MSRB3: variants seen among roughly 807,000 people sequenced by gnomAD.
MSRB3 encodes methionine sulfoxide reductase B3, also known as methionine-R-sulfoxide reductase B3.
In MSRB3, 13 loss-of-function variants were observed where a neutral mutation model predicts 21.0. The observed-to-expected ratio is 0.62, with a 90% CI of 0.40 to 0.98. The LOEUF (loss-of-function observed/expected upper bound fraction) is 0.98. Among genes scored for constraint, MSRB3 ranks in the 50% least tolerant of loss-of-function variants. MSRB3 has a pLI of 0.00. For missense variants in MSRB3, 199 were observed against 230.3 expected (o/e 0.86, Z 0.88); for synonymous variants, 87 against 88.6 (o/e 0.98, Z 0.10).
At chr12:65,381,532 A>G (rs556374706) in intron 5 of MSRB3, among the ~76,000 whole-genome samples, 1 of 152,286 alleles carries the variant, frequency 6.6e-6, no homozygotes, top group East Asian at 1.9e-4. Flanking sequence ...AGGAACATGT[A>G]CAAATGTAGC....
At chr12:65,445,130 A>G (rs2136687459) in intron 5 of MSRB3, among the ~76,000 whole-genome samples, 1 of 152,232 alleles carries the variant, frequency 6.6e-6, no homozygotes, top group Admixed American at 6.5e-5. Context: ...CTGGAAACCT[A>G]GTAATAATGT....
At chr12:65,357,430 CAG>C (rs1450794722) in intron 4 of MSRB3, among the ~76,000 whole-genome samples, 1 of 151,916 alleles carries the variant, frequency 6.6e-6, no homozygotes, top group Non-Finnish European at 1.5e-5. Flanking sequence ...TGAGATAGTT[CAG>C]AGAGTTCACA....
rs1368983073 is a variant in MSRB3 at position 65,278,794 on chromosome 12, G to T, written c.-123G>T. On this transcript the variant is annotated 5_prime_UTR_variant, in exon 1 of 7. Transcript: ENST00000308259. ...ATGAGCCCGCGGCGGACCCTCCCGC[G>T]CCCCCTCTCGCTCTGCCTCTCCCTC... 8.9e-6 allele frequency: 14 copies of T among 1,571,040 alleles called. No homozygotes were observed. In the East Asian group the frequency reaches 3.3e-4, roughly 37 times the overall value.
intron 5 of MSRB3, among the ~76,000 whole-genome samples, chr12:65,440,179 G>A (rs1165365896): frequency 2.0e-5 from 3 of 151,654 alleles, no homozygotes; most frequent in Non-Finnish European, 4.4e-5. Flanking sequence ...TGAAATTCCT[G>A]ATTAAGATCT....
chr12:65,287,296 A>T (rs1007497549), intron 1 of MSRB3, among the ~76,000 whole-genome samples: 19 of 150,940 alleles, frequency 1.3e-4, no homozygotes, highest in East Asian at 3.9e-4. Flanking sequence ...CTAATTTTTT[A>T]AAAAAAATTT....
At chr12:65,393,612 T>A (rs1976271) in intron 5 of MSRB3, among the ~76,000 whole-genome samples, 1 of 142,848 alleles carries the variant, frequency 7.0e-6, no homozygotes. Flanking sequence ...GCCTGGGCAG[T>A]AGAGCGAGAC....
rs140067236 is a variant in MSRB3 at position 65,443,150 on chromosome 12, A to G, written c.293-10578A>G. Among the ~76,000 whole-genome samples the G allele has an allele frequency of 4.5e-4, 69 of 152,262 alleles. 1 individual carries two copies. The East Asian group carries it at 9.5e-3, about 21-fold the overall frequency. On this transcript the variant is annotated intron_variant, in intron 5 of 6. Transcript: ENST00000308259. ...AGATCCTGTGTGTTTGGAACCATTT[A>G]AAAATGTTGTGCAGGGCTCAAAGGA...
At chr12:65,354,471 A>G (rs1211004124) in intron 4 of MSRB3, among the ~76,000 whole-genome samples, 5 of 151,698 alleles carry the variant, frequency 3.3e-5, no homozygotes, top group Non-Finnish European at 7.4e-5. Context: ...CATTTCATTC[A>G]TTTGATCTTC....
chr12:65,463,706 A>C lies in MSRB3; in HGVS notation c.*384A>C, dbSNP rs1353378919. 4.0e-6 allele frequency: 1 copy of C among 252,656 alleles called. No homozygotes were observed. The highest frequency in any genetic ancestry group is 2.3e-5 in the African/African-American group (1 of 43,396). The allele number at this position is 252,656 out of a possible 1,614,324, so 15.7% of individuals were successfully genotyped here. A position where few individuals can be genotyped will look rare whatever the true frequency, so the allele number is the denominator to read the frequency against. On this transcript the variant is annotated 3_prime_UTR_variant, in exon 7 of 7. Coordinates refer to ENST00000308259, the MANE Select transcript of MSRB3 (RefSeq NM_001031679.3). ...TGCAGTGTAGAGACCAGAGCTGGGC[A>C]GTGCAGGGCATGGAGACCTGCAAGA...
chr12:65,357,908 TG>T (rs1392813467), intron 4 of MSRB3, among the ~76,000 whole-genome samples: 1 of 151,958 alleles, frequency 6.6e-6, no homozygotes, highest in Non-Finnish European at 1.5e-5. Flanking sequence ...AGGTAGTGTT[TG>T]TTAGGTTTCT....
At chr12:65,364,920 T>C (rs1440036311) in intron 4 of MSRB3, among the ~76,000 whole-genome samples, 1 of 152,206 alleles carries the variant, frequency 6.6e-6, no homozygotes, top group Non-Finnish European at 1.5e-5. Context: ...CAGTACTGTA[T>C]CTGAGAATTC....
At chr12:65,328,073 T>G (rs1383215094) in intron 3 of MSRB3, among the ~76,000 whole-genome samples, 1 of 152,198 alleles carries the variant, frequency 6.6e-6, no homozygotes, top group Non-Finnish European at 1.5e-5. Flanking sequence ...CCTTTAAGAT[T>G]GTTAACTTAG....
intron 5 of MSRB3, among the ~76,000 whole-genome samples, chr12:65,377,357 T>G (rs1878683130): frequency 6.6e-6 from 1 of 152,180 alleles, no homozygotes; most frequent in Admixed American, 6.5e-5. Context: ...CTTGGCTCCC[T>G]GCCTCCTGGG....
At chr12:65,279,176 C>T in intron 1 of MSRB3, 1 of 834,132 alleles carries the variant, frequency 1.2e-6, no homozygotes. Flanking sequence ...AGCCTCTCGC[C>T]CCGCGCGGGC....
chr12:65,356,116 G>T (rs1877366114), intron 4 of MSRB3, among the ~76,000 whole-genome samples: 1 of 151,788 alleles, frequency 6.6e-6, no homozygotes. Flanking sequence ...AGTTTTGCTT[G>T]GGGGCTTACT....
At chr12:65,413,580 A>G (rs1880824314) in intron 5 of MSRB3, among the ~76,000 whole-genome samples, 1 of 152,152 alleles carries the variant, frequency 6.6e-6, no homozygotes, top group African/African-American at 2.4e-5. Flanking sequence ...TCCCTCATTC[A>G]GTAATCCTAA....
chr12:65,355,042 A>G lies in MSRB3; in HGVS notation c.264-13956A>G, dbSNP rs1877300123. On this transcript the variant is annotated intron_variant, in intron 4 of 6. Transcript: ENST00000308259. The stretch of plus-strand genomic sequence containing the variant: ...GGATAAACTGAAAAAAGGTGTAAAG[A>G]GAGATGCATATAAGGTGCTAGAAAT... Among the ~76,000 whole-genome samples the G allele has an allele frequency of 3.3e-5, 5 of 151,848 alleles. No individual in the cohort carries two copies. The Admixed American group carries it at 3.3e-4, about 10-fold the overall frequency.
intron 6 of MSRB3, among the ~76,000 whole-genome samples, chr12:65,460,491 A>T (rs2136715961): frequency 6.6e-6 from 1 of 152,224 alleles, no homozygotes; most frequent in South Asian, 2.1e-4. Flanking sequence ...TGGGGCGGGG[A>T]TGTATGTGGT....
Position 65,326,485 on chromosome 12 carries a change from CTT to C in MSRB3, c.77-340_77-339del, listed in dbSNP as rs1457680650. ...TACAGTATAAATGTTTGTAAATAGA[CTT>C]ATGCTTTTGAATTTATTTGAAAAAA... On this transcript the variant is annotated intron_variant, in intron 2 of 6. Coordinates refer to ENST00000308259, the MANE Select transcript of MSRB3 (RefSeq NM_001031679.3). Among the ~76,000 whole-genome samples, 7 of 151,838 alleles carry C rather than the reference CTT, an allele frequency of 4.6e-5. No individual in the cohort carries two copies. The East Asian group carries it at 9.6e-4, about 21-fold the overall frequency.
Sources: gnomAD v4.1 joint callset for allele counts (sites outside exome capture counted in the v4.1 genomes callset) on GRCh38, gnomAD v4.1.1 for gene constraint, MANE v1.5 for transcripts, NCBI Gene and HGNC (gene_info 2026-07-23, HGNC 2026-07-21) for gene names.